Variants in UGT1A7 observed in about 807,000 individuals in gnomAD.
UGT1A7 encodes the protein UDP-glucuronosyltransferase 1A7.
In UGT1A7, 33 loss-of-function variants were observed where a neutral mutation model predicts 45.6. The ratio of observed to expected loss-of-function variants is 0.72; its 90% CI spans 0.55 to 0.97. The LOEUF (loss-of-function observed/expected upper bound fraction) is 0.97. Ranked by LOEUF, UGT1A7 falls within the 50% of genes least tolerant of loss-of-function variation. UGT1A7 has a pLI of 0.00. For missense variants in UGT1A7, 684 were observed against 666.2 expected (o/e 1.03, Z -0.29); for synonymous variants, 274 against 250.6 (o/e 1.09, Z -0.88).
intron 1 of UGT1A7, among the ~76,000 whole-genome samples, chr2:233,687,527 C>G (rs2074843265): frequency 6.9e-6 from 1 of 145,906 alleles, no homozygotes; most frequent in South Asian, 2.2e-4. Flanking sequence ...GTGACTTGCC[C>G]AAGGTTATGC....
At chr2:233,738,451 G>A (rs1425081316) in intron 1 of UGT1A7, among the ~76,000 whole-genome samples, 1 of 152,222 alleles carries the variant, frequency 6.6e-6, no homozygotes, top group Non-Finnish European at 1.5e-5. Context: ...AAGACAGGAA[G>A]ATGTGGGAAA....
At chr2:233,767,974 G>A (rs1338835560) in intron 3 of UGT1A7, 38 bp downstream of exon 3, 1 of 1,613,994 alleles carries the variant, frequency 6.2e-7, no homozygotes, top group Non-Finnish European at 8.5e-7. Context: ...TCAAACCAGG[G>A]TCAAATTAAG....
chr2:233,725,787 A>T (rs1433226745), intron 1 of UGT1A7, among the ~76,000 whole-genome samples: 1 of 152,208 alleles, frequency 6.6e-6, no homozygotes, highest in African/African-American at 2.4e-5. Flanking sequence ...GTTATCATTA[A>T]ATAATAATCC....
Position 233,766,771 on chromosome 2 carries a change from C to T in UGT1A7, c.856-263C>T, listed in dbSNP as rs71528513. ...GTGCATGTGTGTGCATGTACCTGTG[C>T]TTTTCTTTTGGAAAACTAGCACATT... On this transcript the variant is annotated intron_variant, in intron 1 of 4. Transcript: ENST00000373426. 5.2e-3 allele frequency among the ~76,000 whole-genome samples: 785 copies of T among 152,286 alleles called. 3 individuals are homozygous for T. The highest frequency in any genetic ancestry group is 8.7e-3 in the Non-Finnish European group (595 of 68,032).
At chr2:233,720,033 T>G (rs13401281) in intron 1 of UGT1A7, among the ~76,000 whole-genome samples, 61,071 of 151,978 alleles carry the variant, frequency 0.4, 13,005 homozygotes, top group African/African-American at 0.54. Context: ...TTTGCTTGCC[T>G]GATTTTCAGC....
At chr2:233,686,355 AG>A (rs1282593411) in intron 1 of UGT1A7, among the ~76,000 whole-genome samples, 1 of 152,178 alleles carries the variant, frequency 6.6e-6, no homozygotes, top group Non-Finnish European at 1.5e-5. Flanking sequence ...TGTATATCAA[AG>A]GATACTATCA....
At chr2:233,730,406 G>A (rs538447912) in intron 1 of UGT1A7, among the ~76,000 whole-genome samples, 13 of 152,316 alleles carry the variant, frequency 8.5e-5, no homozygotes, top group African/African-American at 3.1e-4. Flanking sequence ...AATTACAATT[G>A]TTGACATGAT....
At chr2:233,704,693 G>A (rs1034818342) in intron 1 of UGT1A7, among the ~76,000 whole-genome samples, 16 of 152,062 alleles carry the variant, frequency 1.1e-4, no homozygotes, top group African/African-American at 3.9e-4. Context: ...TTACCTTATG[G>A]TATCATTTCT....
At chr2:233,706,053 C>G (rs1254289115) in intron 1 of UGT1A7, among the ~76,000 whole-genome samples, 3 of 152,144 alleles carry the variant, frequency 2.0e-5, no homozygotes, top group Non-Finnish European at 4.4e-5. Flanking sequence ...CGAGATCACG[C>G]CACTGCATGC....
At chr2:233,697,298 A>C (rs1046894333) in intron 1 of UGT1A7, among the ~76,000 whole-genome samples, 1 of 152,102 alleles carries the variant, frequency 6.6e-6, no homozygotes, top group African/African-American at 2.4e-5. Flanking sequence ...TTCTTCATTC[A>C]ATCTTGGTAG....
chr2:233,760,825 G>C lies in UGT1A7; in HGVS notation c.856-6209G>C, dbSNP rs1657628450. The C allele has an allele frequency of 2.5e-6, 4 of 1,613,330 alleles. No homozygotes were observed. The Admixed American group carries it at 5.0e-5, about 20-fold the overall frequency. On this transcript the variant is annotated intron_variant, in intron 1 of 4. Coordinates refer to ENST00000373426, the MANE Select transcript of UGT1A7 (RefSeq NM_019077.3). ...CTTGCATGCACTGCCATGCAGCCTG[G>C]AATTTGAGGCTACCCAGTGCCCCAA...
At chr2:233,690,435 T>C (rs1318096136) in intron 1 of UGT1A7, 15 of 1,270,026 alleles carry the variant, frequency 1.2e-5, no homozygotes, top group Non-Finnish European at 1.5e-5. Context: ...CATCTTTGGG[T>C]CTCTCCTCTA....
chr2:233,713,507 C>T (rs113654637), intron 1 of UGT1A7: 65 of 1,613,816 alleles, frequency 4.0e-5, no homozygotes, highest in Admixed American at 2.7e-4. Context: ...CTGTGTTTTT[C>T]TTGAGGAACA....
At chr2:233,761,667 C>T (rs1186419843) in intron 1 of UGT1A7, among the ~76,000 whole-genome samples, 1 of 152,258 alleles carries the variant, frequency 6.6e-6, no homozygotes, top group African/African-American at 2.4e-5. Flanking sequence ...AATCACCAGA[C>T]AGTCAGGTTC....
chr2:233,690,018 T>C (rs1667000994), intron 1 of UGT1A7: 1 of 438,514 alleles, frequency 2.3e-6, no homozygotes. Context: ...ATTTTGGACC[T>C]TCCTCAAGAT....
At chr2:233,764,552 G>A (rs1387908555) in intron 1 of UGT1A7, among the ~76,000 whole-genome samples, 1 of 152,132 alleles carries the variant, frequency 6.6e-6, no homozygotes, top group East Asian at 1.9e-4. Flanking sequence ...CGTGTGGGAG[G>A]GTGTGCCTGG....
At chr2:233,699,748 C>T (rs1437214781) in intron 1 of UGT1A7, among the ~76,000 whole-genome samples, 1 of 152,182 alleles carries the variant, frequency 6.6e-6, no homozygotes, top group African/African-American at 2.4e-5. Context: ...GAAAACTAGA[C>T]CCCAGTTCCT....
At chr2:233,753,320 G>A (rs1197807028) in intron 1 of UGT1A7, 1 of 152,228 alleles carries the variant, frequency 6.6e-6, no homozygotes, top group Non-Finnish European at 1.5e-5. Context: ...CTGTGGGATG[G>A]TGCCAGCTGA....
chr2:233,767,957 G>A (rs1699529946), intron 3 of UGT1A7, 21 bp downstream of exon 3: 6 of 1,614,186 alleles, frequency 3.7e-6, no homozygotes, highest in South Asian at 1.1e-5. Flanking sequence ...CGGATTGGAT[G>A]TATAGGTCAA....
Sources: allele counts gnomAD v4.1 joint callset (sites outside exome capture counted in the v4.1 genomes callset), GRCh38; gene constraint gnomAD v4.1.1; transcripts MANE v1.5; gene names NCBI Gene and HGNC (gene_info 2026-07-23, HGNC 2026-07-21).